FAM72A: variants seen among roughly 807,000 people sequenced by gnomAD.
FAM72A encodes the protein regulator of UNG2 and MKLN1 interacting yippee protein 1.
A neutral mutation model predicts 11.3 loss-of-function variants in FAM72A; 1 was observed. The ratio of observed to expected loss-of-function variants is 0.09; its 90% CI spans 0.03 to 0.42. The LOEUF is 0.42. Among genes scored for constraint, FAM72A ranks in the 10% least tolerant of loss-of-function variants. The pLI is 0.98. For missense variants in FAM72A, 15 were observed against 135.5 expected (o/e 0.11, Z 4.41); for synonymous variants, 5 against 46.9 (o/e 0.11, Z 3.65).
At chr1:206,202,840 G>A (rs1259698021), upstream of FAM72A, 3 of 113,476 alleles carry the variant, frequency 2.6e-5, no homozygotes, top group Non-Finnish European at 5.4e-5. Context: ...CACCGAACAC[G>A]TTGGTTTTCG....
chr1:206,203,771 G>C (rs1665558806), upstream of FAM72A: 1 of 1,507,604 alleles, frequency 6.6e-7, no homozygotes, highest in Non-Finnish European at 8.9e-7. Context: ...CATCGCCTTA[G>C]CGGTGCCGCC....
intron 2 of FAM72A, among the ~76,000 whole-genome samples, chr1:206,198,764 A>T (rs1339728089): frequency 6.1e-5 from 9 of 147,060 alleles, no homozygotes; most frequent in Admixed American, 6.1e-4. Context: ...AGATTATTAA[A>T]TTTCTATCTT....
intron 2 of FAM72A, among the ~76,000 whole-genome samples, chr1:206,198,907 T>TAAAAAAAAA (rs544163968): frequency 6.3e-5 from 4 of 63,702 alleles, no homozygotes; most frequent in African/African-American, 2.4e-4. Context: ...CTGTCTCTAC[T>TAAAAAAAAA]AAAAAAAAAA....
At chr1:206,203,227 T>G, upstream of FAM72A, 2 of 369,226 alleles carry the variant, frequency 5.4e-6, no homozygotes, top group Non-Finnish European at 9.7e-6. Flanking sequence ...ACACCCCTCC[T>G]CTCTACCCCG....
intron 2 of FAM72A, among the ~76,000 whole-genome samples, chr1:206,196,522 G>A (rs1665064820): frequency 9.7e-6 from 1 of 102,892 alleles, no homozygotes; most frequent in Non-Finnish European, 1.9e-5. Flanking sequence ...TGTGGGTAAA[G>A]GTTTTTGCTA....
chr1:206,205,015 C>G (rs1665777528), upstream of FAM72A: 1 of 151,692 alleles, frequency 6.6e-6, no homozygotes, highest in Non-Finnish European at 1.5e-5. Flanking sequence ...GGTGGCTTAT[C>G]CCTCCCCGGC....
chr1:206,189,561 G>A (rs1419462394), intron 3 of FAM72A, among the ~76,000 whole-genome samples: 2 of 123,810 alleles, frequency 1.6e-5, no homozygotes, highest in African/African-American at 7.7e-5. Flanking sequence ...AAAAATCAAA[G>A]TGAAAATTAG....
intron 2 of FAM72A, among the ~76,000 whole-genome samples, chr1:206,198,475 A>G (rs1182633126): frequency 6.1e-5 from 9 of 146,644 alleles, no homozygotes; most frequent in Non-Finnish European, 1.2e-4. Context: ...TAGTTCCTCA[A>G]TACAAGTATA....
chr1:206,197,211 T>G (rs1316224432), intron 2 of FAM72A, among the ~76,000 whole-genome samples: 3 of 152,260 alleles, frequency 2.0e-5, no homozygotes, highest in African/African-American at 4.8e-5. Flanking sequence ...TTTCAGGCAC[T>G]GCTCTAGGTG....
upstream of FAM72A, chr1:206,204,244 C>T (rs1272427994): frequency 4.2e-6 from 2 of 479,764 alleles, no homozygotes; most frequent in African/African-American, 4.0e-5. Flanking sequence ...TGCCCCAATT[C>T]CCCTCACCTC....
chr1:206,187,166 C>T lies in FAM72A; in HGVS notation c.*113G>A, dbSNP rs1334191341. 2 of 1,077,694 alleles carry T rather than the reference C, an allele frequency of 1.9e-6. No individual in the cohort carries two copies. The highest frequency in any genetic ancestry group is 3.2e-5 in the Admixed American group (1 of 31,428). The allele number at this position is 1,077,694 out of a possible 1,614,324, so 66.8% of individuals were successfully genotyped here. ...CGGAAAATAAATAAATCAACAAATGCCCCATTTTTGTTTTCCAAAAAAGAT... is the reference window on the plus strand; with the variant it reads ...CGGAAAATAAATAAATCAACAAATGTCCCATTTTTGTTTTCCAAAAAAGAT... On this transcript the variant is annotated 3_prime_UTR_variant, in exon 4 of 4. Coordinates refer to ENST00000367128, the MANE Select transcript of FAM72A (RefSeq NM_001123168.3).
At chr1:206,204,916 C>CCG (rs1553300734), upstream of FAM72A, 10 of 140,000 alleles carry the variant, frequency 7.1e-5, 1 homozygote, top group African/African-American at 3.0e-4. Context: ...TGCCCCCCCC[C>CCG]CCATCAACAT....
Position 206,187,121 on chromosome 1 carries a change from C to T in FAM72A, c.*158G>A. On this transcript the variant is annotated 3_prime_UTR_variant, in exon 4 of 4. Transcript: ENST00000367128. Reference sequence around the variant, plus strand: ...CACAACTTCACTGGCTTCAATCAAACTGAGGTAACTAATTAGAGACGGAAA... The same window carrying T: ...CACAACTTCACTGGCTTCAATCAAATTGAGGTAACTAATTAGAGACGGAAA... 9.5e-7 allele frequency: 1 copy of T among 1,053,284 alleles called. No individual in the cohort carries two copies. Among genetic ancestry groups the T allele is most frequent in the Non-Finnish European group, 1.3e-6 (1 of 758,202 alleles). 65.2% of individuals were successfully genotyped at this position (1,053,284 alleles called of 1,614,324 possible). A position where few individuals can be genotyped will look rare whatever the true frequency, so the allele number is the denominator to read the frequency against.
intron 2 of FAM72A, among the ~76,000 whole-genome samples, chr1:206,198,265 G>A (rs1170983559): frequency 1.3e-5 from 2 of 149,976 alleles, no homozygotes; most frequent in Admixed American, 6.6e-5. Context: ...TCAGGAGGCT[G>A]AGGCAGGAGA....
intron 3 of FAM72A, among the ~76,000 whole-genome samples, chr1:206,189,435 G>A (rs1159307679): frequency 1.4e-5 from 2 of 146,708 alleles, no homozygotes; most frequent in Non-Finnish European, 3.0e-5. Context: ...TGTTTGAATT[G>A]TTTATAATAG....
rs1182826954 is a variant in FAM72A, at chr1:206,191,674, ATT to A, written c.355+4076_355+4077del. Among the ~76,000 whole-genome samples the A allele has an allele frequency of 9.3e-3, 1,225 of 131,336 alleles. 20 individuals carry two copies. The highest frequency in any genetic ancestry group is 0.037 in the African/African-American group (1,098 of 29,592). The allele number at this position is 131,336 out of a possible 152,430, so 86.2% of individuals were successfully genotyped here. ...AGCACCTTAACACAAGGAAAAAGAA[ATT>A]TTTTTTTTTTTAAAAGAATTGGTAG... On this transcript the variant is annotated intron_variant, in intron 3 of 3. Coordinates refer to ENST00000367128, the MANE Select transcript of FAM72A (RefSeq NM_001123168.3).
chr1:206,190,596 C>T (rs1371977865), intron 3 of FAM72A, among the ~76,000 whole-genome samples: 1 of 124,990 alleles, frequency 8.0e-6, no homozygotes, highest in Non-Finnish European at 1.6e-5. Flanking sequence ...AGTCAGCTGG[C>T]GAGGTGTCTC....
In FAM72A at chr1:206,191,721, ATTATTTTTT is replaced by A. The variant is rs1320609636; in HGVS notation, c.355+4022_355+4030del. 1.2e-4 allele frequency among the ~76,000 whole-genome samples: 12 copies of A among 98,798 alleles called. 1 individual carries two copies. Among genetic ancestry groups the A allele is most frequent in the African/African-American group, 5.6e-4 (10 of 17,850 alleles). The allele number at this position is 98,798 out of a possible 152,430, so 64.8% of individuals were successfully genotyped here. ...TGGTAGTGTACTTTCTTACTAAAAT[ATTATTTTTT>A]TTTTTTTTTTTTTTTGAGACAGGGT... On this transcript the variant is annotated intron_variant, in intron 3 of 3. Coordinates refer to ENST00000367128, the MANE Select transcript of FAM72A (RefSeq NM_001123168.3).
At chr1:206,187,476 T>C (rs1292539944) in intron 3 of FAM72A, 103 bp from the exon 4 acceptor site, 2 of 1,063,112 alleles carry the variant, frequency 1.9e-6, no homozygotes, top group Non-Finnish European at 2.8e-6. Context: ...TAAACCATAG[T>C]GTTAGCAGTA....
Sources: allele counts gnomAD v4.1 joint callset (sites outside exome capture counted in the v4.1 genomes callset), GRCh38; gene constraint gnomAD v4.1.1; transcripts MANE v1.5; gene names NCBI Gene and HGNC (gene_info 2026-07-23, HGNC 2026-07-21).